The following PARVB variants were observed in gnomAD, a reference collection of about 807,000 sequenced individuals.
The protein encoded by PARVB is beta-parvin.
Under a neutral mutation model 47.0 loss-of-function variants are expected in PARVB, and 46 were observed. That is an observed-to-expected ratio of 0.98 (90% CI 0.77 to 1.25). PARVB has a LOEUF of 1.25. PARVB is among the 50% of genes most tolerant of loss of function. PARVB has a pLI of 0.00. For synonymous variants in PARVB, 196 were observed against 196.3 expected, an observed-to-expected ratio of 1.00 and a Z score of 0.01; for missense variants, 473 against 471.6, an observed-to-expected ratio of 1.00 and a Z score of -0.03.
chr22:44,056,468 T>G (rs537361197), intron 1 of PARVB, among the ~76,000 whole-genome samples: 33 of 152,220 alleles, frequency 2.2e-4, no homozygotes, highest in African/African-American at 7.9e-4. Context: ...GTGCCACAGA[T>G]TTTTTGTTGT....
chr22:44,139,816 A>G (rs2053514699), intron 7 of PARVB: 1 of 379,856 alleles, frequency 2.6e-6, no homozygotes, highest in South Asian at 3.4e-5. Context: ...CTTCATATTA[A>G]CCACTCTTCT....
intron 11 of PARVB, among the ~76,000 whole-genome samples, chr22:44,161,363 G>A (rs2054048922): frequency 6.7e-6 from 1 of 149,212 alleles, no homozygotes; most frequent in South Asian, 2.1e-4. Flanking sequence ...ACCCAGGCTG[G>A]AGTGCAGTGG....
chr22:44,087,486 C>G (rs981068198), intron 1 of PARVB, among the ~76,000 whole-genome samples: 2 of 152,298 alleles, frequency 1.3e-5, no homozygotes, highest in African/African-American at 2.4e-5. Flanking sequence ...TTGCCATCCC[C>G]CGTGTCCTGC....
chr22:44,119,025 G>A lies in PARVB; in HGVS notation c.274-13G>A. ...CTGGTGGACTGAGGCCATAATGCCT[G>A]CGTCTCCTGCAGGTCCTCCTCGACT... On this transcript the variant is annotated splice_polypyrimidine_tract_variant and intron_variant, in intron 3 of 12. Transcript: ENST00000338758. The A allele has an allele frequency of 6.3e-7, 1 of 1,598,622 alleles. No individual in the cohort carries two copies. Among genetic ancestry groups the A allele is most frequent in the Non-Finnish European group, 8.6e-7 (1 of 1,165,938 alleles).
chr22:44,053,010 T>C (rs1210229337), intron 1 of PARVB, among the ~76,000 whole-genome samples: 2 of 151,864 alleles, frequency 1.3e-5, no homozygotes, highest in Non-Finnish European at 2.9e-5. Context: ...GCTCACTGGC[T>C]GCAGTTTGCC....
chr22:44,119,627 G>A (rs2052996210), intron 4 of PARVB, among the ~76,000 whole-genome samples: 1 of 152,234 alleles, frequency 6.6e-6, no homozygotes, highest in South Asian at 2.1e-4. Context: ...ACTGACTGAT[G>A]CATGGTTTGA....
intron 10 of PARVB, among the ~76,000 whole-genome samples, chr22:44,156,886 T>C (rs139069): frequency 0.76 from 115,642 of 151,932 alleles, 44,260 homozygotes; most frequent in Non-Finnish European, 0.81. Context: ...GAAGGTAGAA[T>C]AGAGAATTGG....
chr22:44,116,735 G>A (rs2052913819), intron 3 of PARVB, among the ~76,000 whole-genome samples: 2 of 152,184 alleles, frequency 1.3e-5, no homozygotes, highest in Admixed American at 1.3e-4. Context: ...GGGACTGAGA[G>A]CTGTGATGGG....
chr22:43,999,711 G>T, intron 2 of PARVB: 1 of 1,502,140 alleles, frequency 6.7e-7, no homozygotes, highest in Non-Finnish European at 9.3e-7. Flanking sequence ...AAGTGGATGA[G>T]GGCTGGGTGC....
chr22:44,027,862 C>T (rs759417358), intron 1 of PARVB, among the ~76,000 whole-genome samples: 23 of 147,934 alleles, frequency 1.6e-4, no homozygotes, highest in Non-Finnish European at 3.0e-4. Context: ...TGCCTCACTG[C>T]GCTGCAGGCT....
chr22:44,010,964 T>C (rs2050516137), intron 2 of PARVB, among the ~76,000 whole-genome samples: 1 of 147,812 alleles, frequency 6.8e-6, no homozygotes, highest in Admixed American at 6.9e-5. Context: ...CAATCTCAGC[T>C]CACTGTCATC....
chr22:44,070,866 T>C (rs772627971), intron 1 of PARVB, among the ~76,000 whole-genome samples: 1 of 152,208 alleles, frequency 6.6e-6, no homozygotes, highest in Non-Finnish European at 1.5e-5. Context: ...AGGTACCAGA[T>C]TCTCTTCACT....
intron 8 of PARVB, chr22:44,146,120 C>CA (rs1195970398): frequency 6.7e-6 from 1 of 149,576 alleles, no homozygotes; most frequent in Non-Finnish European, 1.5e-5. Flanking sequence ...CAGGCACACA[C>CA]ACGCTCACAC....
intron 1 of PARVB, among the ~76,000 whole-genome samples, chr22:44,034,486 T>C (rs1325274881): frequency 6.6e-6 from 1 of 151,898 alleles, no homozygotes; most frequent in Non-Finnish European, 1.5e-5. Flanking sequence ...CTTGAACTCC[T>C]GGCCTCAAGG....
At chr22:44,096,192 T>C (rs1293294107) in intron 2 of PARVB, among the ~76,000 whole-genome samples, 2 of 152,154 alleles carry the variant, frequency 1.3e-5, no homozygotes, top group Non-Finnish European at 2.9e-5. Flanking sequence ...ACCACTGCGC[T>C]CCAGCCTGGG....
At chr22:44,074,907 G>A (rs2051733736) in intron 1 of PARVB, among the ~76,000 whole-genome samples, 1 of 152,190 alleles carries the variant, frequency 6.6e-6, no homozygotes, top group African/African-American at 2.4e-5. Flanking sequence ...GAGGAGCCCA[G>A]TGGGCTCTGG....
intron 3 of PARVB, chr22:44,104,668 G>A (rs1340889588): frequency 6.6e-6 from 1 of 152,252 alleles, no homozygotes; most frequent in Admixed American, 6.5e-5. Context: ...GTATGCGTGT[G>A]TGGGTAGGGG....
intron 1 of PARVB, among the ~76,000 whole-genome samples, chr22:44,029,861 G>C (rs2050793135): frequency 6.6e-6 from 1 of 151,954 alleles, no homozygotes; most frequent in Non-Finnish European, 1.5e-5. Context: ...AGTGAGCTGA[G>C]ATCGCGCCAC....
At chr22:44,097,496 C>T (rs978695162) in intron 2 of PARVB, among the ~76,000 whole-genome samples, 6 of 152,214 alleles carry the variant, frequency 3.9e-5, no homozygotes, top group South Asian at 2.1e-4. Flanking sequence ...TGACAGGCAG[C>T]AAGGGCTGAC....
Sources: gnomAD v4.1 joint callset for allele counts (sites outside exome capture counted in the v4.1 genomes callset) on GRCh38, gnomAD v4.1.1 for gene constraint, MANE v1.5 for transcripts, NCBI Gene and HGNC (gene_info 2026-07-23, HGNC 2026-07-21) for gene names.